Variants in DLG2 observed in about 807,000 individuals in gnomAD.
DLG2 encodes disks large homolog 2.
In DLG2, 45 loss-of-function variants were observed where a neutral mutation model predicts 132.5. The observed-to-expected ratio is 0.34, with a 90% confidence interval of 0.27 to 0.44. The LOEUF is 0.44. Ranked by LOEUF, DLG2 falls within the 20% of genes least tolerant of loss-of-function variation. The pLI, the probability that DLG2 is intolerant of heterozygous loss-of-function variation, is 1.00. For missense variants in DLG2, 1,045 were observed against 1,196.9 expected, an observed-to-expected ratio of 0.87 and a Z score of 1.87; for synonymous variants, 424 against 419.6, an observed-to-expected ratio of 1.01 and a Z score of -0.13.
chr11:84,161,758 T>G (rs2095551817), intron 9 of DLG2, among the ~76,000 whole-genome samples: 1 of 152,162 alleles, frequency 6.6e-6, no homozygotes, highest in Non-Finnish European at 1.5e-5. Context: ...AGTCCTGTGT[T>G]TAGAAAGGCC....
chr11:84,395,827 T>C (rs1278817276), intron 7 of DLG2, among the ~76,000 whole-genome samples: 2 of 152,256 alleles, frequency 1.3e-5, no homozygotes, highest in African/African-American at 4.8e-5. Context: ...TAAAAATATA[T>C]TGTATCCAAC....
At chr11:84,192,871 T>A (rs2096440908) in intron 8 of DLG2, among the ~76,000 whole-genome samples, 1 of 152,204 alleles carries the variant, frequency 6.6e-6, no homozygotes. Flanking sequence ...CAATACATAT[T>A]CCTCTTTAGG....
At chr11:84,752,558 CTTTTT>C (rs533369284) in intron 6 of DLG2, among the ~76,000 whole-genome samples, 3,046 of 137,238 alleles carry the variant, frequency 0.022, 36 homozygotes, top group Non-Finnish European at 0.034. Flanking sequence ...CTTTGGTTTT[CTTTTT>C]CTTTTTTTTT....
chr11:83,780,628 A>G (rs1333221125), intron 18 of DLG2, among the ~76,000 whole-genome samples: 1 of 152,236 alleles, frequency 6.6e-6, no homozygotes, highest in Admixed American at 6.5e-5. Context: ...ACTAAAGGCA[A>G]TGAAGCCCGA....
chr11:85,602,063 A>C (rs1174483124), intron 2 of DLG2, among the ~76,000 whole-genome samples: 1 of 152,156 alleles, frequency 6.6e-6, no homozygotes, highest in Non-Finnish European at 1.5e-5. Flanking sequence ...TAAGCATCTC[A>C]AACTTCACTT....
intron 8 of DLG2, among the ~76,000 whole-genome samples, chr11:84,214,562 A>C (rs1438317150): frequency 6.6e-6 from 1 of 152,050 alleles, no homozygotes; most frequent in African/African-American, 2.4e-5. Flanking sequence ...AGATGAAGAA[A>C]TAATCTTGGA....
At chr11:84,796,216 A>G (rs1028671464) in intron 6 of DLG2, among the ~76,000 whole-genome samples, 25 of 152,226 alleles carry the variant, frequency 1.6e-4, no homozygotes, top group African/African-American at 5.5e-4. Flanking sequence ...CTTGAATTCC[A>G]TAAATATATA....
chr11:84,857,203 C>G (rs146350709), intron 6 of DLG2, among the ~76,000 whole-genome samples: 1 of 151,950 alleles, frequency 6.6e-6, no homozygotes, highest in Non-Finnish European at 1.5e-5. Flanking sequence ...TAGGAAGTAT[C>G]TAGAAGGAGA....
chr11:85,180,104 C>T (rs2079588427), intron 4 of DLG2, among the ~76,000 whole-genome samples: 1 of 151,684 alleles, frequency 6.6e-6, no homozygotes, highest in South Asian at 2.1e-4. Flanking sequence ...CTAGAAGAAG[C>T]TTTATGGATG....
intron 3 of DLG2, among the ~76,000 whole-genome samples, chr11:85,568,444 TAGAC>T (rs1208542001): frequency 6.6e-6 from 1 of 152,216 alleles, no homozygotes; most frequent in African/African-American, 2.4e-5. Flanking sequence ...TAGAATTAAT[TAGAC>T]AGTATTCTCC....
At chr11:84,733,263 T>A (rs1165391132) in intron 6 of DLG2, among the ~76,000 whole-genome samples, 1 of 152,194 alleles carries the variant, frequency 6.6e-6, no homozygotes, top group Non-Finnish European at 1.5e-5. Flanking sequence ...ACCAACAGTG[T>A]AAGAGTGTTC....
chr11:85,400,947 A>G (rs1476230814), intron 3 of DLG2, among the ~76,000 whole-genome samples: 7 of 151,500 alleles, frequency 4.6e-5, no homozygotes, highest in South Asian at 2.1e-4. Context: ...ATTAAAAAAA[A>G]AAAAAGAAAA....
intron 3 of DLG2, among the ~76,000 whole-genome samples, chr11:85,318,499 CA>C (rs1203319660): frequency 6.6e-6 from 1 of 151,808 alleles, no homozygotes; most frequent in African/African-American, 2.4e-5. Context: ...AGAAACCAGG[CA>C]GCCTTATCTT....
intron 14 of DLG2, among the ~76,000 whole-genome samples, chr11:83,952,951 C>T (rs1019585337): frequency 6.6e-6 from 1 of 151,644 alleles, no homozygotes; most frequent in Non-Finnish European, 1.5e-5. Context: ...TAAGGTAGAT[C>T]AGTAGGTAAT....
intron 6 of DLG2, among the ~76,000 whole-genome samples, chr11:84,572,904 C>A (rs576940878): frequency 6.6e-6 from 1 of 152,208 alleles, no homozygotes; most frequent in African/African-American, 2.4e-5. Flanking sequence ...CCAAGAGAAA[C>A]CTACACCAAC....
chr11:85,376,855 G>T (rs2085446135), intron 3 of DLG2, among the ~76,000 whole-genome samples: 1 of 152,164 alleles, frequency 6.6e-6, no homozygotes, highest in South Asian at 2.1e-4. Flanking sequence ...CGGGAGGATA[G>T]AAAAGGAGAG....
At chr11:84,900,116 T>C (rs1227670) in intron 6 of DLG2, among the ~76,000 whole-genome samples, 27,016 of 152,000 alleles carry the variant, frequency 0.18, 3,345 homozygotes, top group East Asian at 0.59. Context: ...ACCTAATTTG[T>C]AGGACAAATA....
chr11:84,769,602 C>T (rs186077112), intron 6 of DLG2, among the ~76,000 whole-genome samples: 59 of 152,036 alleles, frequency 3.9e-4, no homozygotes, highest in East Asian at 3.5e-3. Flanking sequence ...GAGAGGTAGA[C>T]GACATTTAGA....
chr11:85,550,505 C>T (rs1398406877), intron 3 of DLG2, among the ~76,000 whole-genome samples: 1 of 152,146 alleles, frequency 6.6e-6, no homozygotes, highest in African/African-American at 2.4e-5. Context: ...GTTTGATCCC[C>T]CTGGTGCCAC....
Sources: gnomAD v4.1 joint callset for allele counts (sites outside exome capture counted in the v4.1 genomes callset) on GRCh38, gnomAD v4.1.1 for gene constraint, MANE v1.5 for transcripts, NCBI Gene and HGNC (gene_info 2026-07-23, HGNC 2026-07-21) for gene names.